Variants in MEF2A observed in about 807,000 individuals in gnomAD.
MEF2A encodes the protein myocyte-specific enhancer factor 2A.
MEF2A carries 28 observed loss-of-function variants against 55.8 expected under a neutral mutation model. The observed-to-expected ratio is 0.50, with a 90% CI of 0.37 to 0.69. The LOEUF (loss-of-function observed/expected upper bound fraction) is 0.69. Among genes scored for constraint, MEF2A ranks in the 30% least tolerant of loss-of-function variants. MEF2A has a pLI of 0.00. For missense variants in MEF2A, 528 were observed against 626.2 expected (o/e 0.84, Z 1.67); for synonymous variants, 239 against 227.1 (o/e 1.05, Z -0.47).
intron 1 of MEF2A, among the ~76,000 whole-genome samples, chr15:99,568,228 C>T (rs569130369): frequency 3.5e-4 from 54 of 152,190 alleles, no homozygotes; most frequent in Non-Finnish European, 6.2e-4. Flanking sequence ...CTTATTGACA[C>T]CCAGAAATAA....
intron 2 of MEF2A, among the ~76,000 whole-genome samples, chr15:99,630,385 TC>T (rs2042764481): frequency 6.6e-6 from 1 of 152,188 alleles, no homozygotes; most frequent in African/African-American, 2.4e-5. Flanking sequence ...AAACCATCCA[TC>T]ACTTCTTTTT....
chr15:99,601,243 G>A (rs1056107129), intron 2 of MEF2A, among the ~76,000 whole-genome samples: 2 of 152,078 alleles, frequency 1.3e-5, no homozygotes, highest in Non-Finnish European at 2.9e-5. Flanking sequence ...TTTATAATTT[G>A]TAATATTGCT....
At chr15:99,671,520 G>T (rs1167885533) in intron 5 of MEF2A, 66 bp downstream of exon 5, 1 of 1,613,598 alleles carries the variant, frequency 6.2e-7, no homozygotes, top group Admixed American at 1.7e-5. Flanking sequence ...CATTATTTAG[G>T]CTCTGAACAA....
intron 4 of MEF2A, among the ~76,000 whole-genome samples, chr15:99,647,859 T>C (rs1207907896): frequency 1.3e-5 from 2 of 152,178 alleles, no homozygotes; most frequent in Admixed American, 6.5e-5. Flanking sequence ...TAGGATAAAT[T>C]ACAAGGCTTA....
At chr15:99,665,500 A>G (rs969914987) in intron 4 of MEF2A, among the ~76,000 whole-genome samples, 3 of 152,186 alleles carry the variant, frequency 2.0e-5, no homozygotes, top group Admixed American at 1.3e-4. Context: ...TCTAAGTAGT[A>G]CCGTTCAGGA....
At chr15:99,580,158 G>A (rs1039444098) in intron 1 of MEF2A, among the ~76,000 whole-genome samples, 1 of 152,042 alleles carries the variant, frequency 6.6e-6, no homozygotes, top group African/African-American at 2.4e-5. Context: ...TTGGGGTTTC[G>A]GATGGATGAG....
At position 99,708,018 on chromosome 15, in the gene MEF2A, G is replaced by T. The variant is rs138353378; in HGVS notation, c.1009+1163G>T. On this transcript the variant is annotated intron_variant, in intron 10 of 11. Transcript: ENST00000557942. ...AAAATAATGCCCAAATTTGTCAACT[G>T]CATACTATCTTAGGGATTGTGAATC... Among the ~76,000 whole-genome samples the T allele has an allele frequency of 9.7e-3, 1,478 of 152,228 alleles. 19 individuals are homozygous for T. Among genetic ancestry groups the T allele is most frequent in the African/African-American group, 0.032 (1,331 of 41,536 alleles).
chr15:99,656,516 T>C (rs970536501), intron 4 of MEF2A, among the ~76,000 whole-genome samples: 1 of 152,118 alleles, frequency 6.6e-6, no homozygotes, highest in Admixed American at 6.6e-5. Flanking sequence ...ATTACTTGAA[T>C]AGAAATGCTG....
chr15:99,578,095 G>GT lies in MEF2A; in HGVS notation c.-225+11997dup, dbSNP rs538846248. Among the ~76,000 whole-genome samples, 27 of 152,208 alleles carry GT rather than the reference G, an allele frequency of 1.8e-4. No individual in the cohort carries two copies. The South Asian group carries it at 3.1e-3, about 18-fold the overall frequency. On this transcript the variant is annotated intron_variant, in intron 1 of 11. Coordinates refer to ENST00000557942, the MANE Select transcript of MEF2A (RefSeq NM_001319206.4). The stretch of plus-strand genomic sequence containing the variant: ...ATACTTTGAGATTATGCTAATTTCT[G>GT]TTTTTTCTTCCAACTTTCATCCATT...
At chr15:99,711,994 T>A (rs935642340) in intron 11 of MEF2A, among the ~76,000 whole-genome samples, 1 of 152,198 alleles carries the variant, frequency 6.6e-6, no homozygotes, top group Non-Finnish European at 1.5e-5. Context: ...ATGAGCGATG[T>A]TGTGCCCTGT....
chr15:99,688,352 G>T (rs188052133), intron 7 of MEF2A, among the ~76,000 whole-genome samples: 1 of 152,180 alleles, frequency 6.6e-6, no homozygotes, highest in African/African-American at 2.4e-5. Flanking sequence ...TCCAGAAGTG[G>T]TACAGACTAC....
At chr15:99,627,265 C>G (rs1351340839) in intron 2 of MEF2A, among the ~76,000 whole-genome samples, 1 of 151,562 alleles carries the variant, frequency 6.6e-6, no homozygotes, top group Non-Finnish European at 1.5e-5. Flanking sequence ...ACTAAAAATA[C>G]AAAAATTAGC....
chr15:99,642,296 G>A (rs1261703275), intron 3 of MEF2A, among the ~76,000 whole-genome samples: 1 of 152,108 alleles, frequency 6.6e-6, no homozygotes, highest in Non-Finnish European at 1.5e-5. Context: ...TTGACATTCA[G>A]TAACTTAATC....
chr15:99,613,038 A>G (rs2039565803), intron 2 of MEF2A, among the ~76,000 whole-genome samples: 1 of 152,230 alleles, frequency 6.6e-6, no homozygotes, highest in African/African-American at 2.4e-5. Flanking sequence ...ATATAATGCA[A>G]TCAGGACTTG....
At chr15:99,587,416 C>G (rs573111207) in intron 1 of MEF2A, among the ~76,000 whole-genome samples, 2 of 152,134 alleles carry the variant, frequency 1.3e-5, no homozygotes, top group East Asian at 3.9e-4. Flanking sequence ...GCCTTTGTTT[C>G]TTTTAAAAAT....
At chr15:99,649,527 G>A (rs1567323472) in intron 4 of MEF2A, among the ~76,000 whole-genome samples, 1 of 152,002 alleles carries the variant, frequency 6.6e-6, no homozygotes, top group Non-Finnish European at 1.5e-5. Context: ...AAAATAGGTG[G>A]CAGACTTTTG....
rs752197525 is a variant in MEF2A, at chr15:99,675,450, G to A, written c.662G>A (p.Ser221Asn). 4 of 1,613,574 alleles carry A rather than the reference G, an allele frequency of 2.5e-6. No individual in the cohort carries two copies. Among genetic ancestry groups the A allele is most frequent in the Non-Finnish European group, 8.5e-7 (1 of 1,179,598 alleles). The change falls in exon 7 of 12, where the codon AGT becomes AAT. Residue 221 changes from serine to asparagine, a missense_variant. Ser to Asn is a conservative substitution (Grantham distance 46). Around this residue, in one of 2 missense-constraint regions of MEF2A, gnomAD observed 450 missense variants for 475.3 expected, o/e 0.95. Transcript: ENST00000557942. ...DLTVPNGAGS[S>N]PVGNGFVNSR... ...ACAGTGCCAAATGGAGCTGGAAGCAGTCCAGTGGGTGAGTGAATTCCTACT... is the reference window on the plus strand; with the variant it reads ...ACAGTGCCAAATGGAGCTGGAAGCAATCCAGTGGGTGAGTGAATTCCTACT...
chr15:99,572,510 A>G lies in MEF2A; in HGVS notation c.-225+6406A>G, dbSNP rs540829369. Among the ~76,000 whole-genome samples, 9 of 141,090 alleles carry G rather than the reference A, an allele frequency of 6.4e-5. No homozygotes were observed. The South Asian group carries it at 2.2e-3, about 34-fold the overall frequency. The allele number at this position is 141,090 out of a possible 152,430, so 92.6% of individuals were successfully genotyped here. On this transcript the variant is annotated intron_variant, in intron 1 of 11. Coordinates refer to ENST00000557942, the MANE Select transcript of MEF2A (RefSeq NM_001319206.4). ...TTTATGGTATTTGTCCATTACCTGA[A>G]TGTAAACTCCATAAAGGCAGAGGCC...
chr15:99,697,238 ACAGTT>A (rs934854449), intron 8 of MEF2A, among the ~76,000 whole-genome samples: 3 of 152,098 alleles, frequency 2.0e-5, no homozygotes, highest in Non-Finnish European at 4.4e-5. Flanking sequence ...CCTAGCCAGT[ACAGTT>A]AGGCAAAAAT....
Sources: gnomAD v4.1 joint callset for allele counts (sites outside exome capture counted in the v4.1 genomes callset) on GRCh38, gnomAD v4.1.1 for gene constraint, gnomAD v4.1.1 regional missense constraint, MANE v1.5 for transcripts, NCBI Gene and HGNC (gene_info 2026-07-23, HGNC 2026-07-21) for gene names.